FREM1: variants seen among roughly 807,000 people sequenced by gnomAD.
FREM1 encodes FRAS1 related extracellular matrix 1.
In FREM1, 220 loss-of-function variants were observed where a neutral mutation model predicts 210.1. That is an observed-to-expected ratio of 1.05 (90% CI 0.94 to 1.17). The LOEUF (loss-of-function observed/expected upper bound fraction) is 1.17. Ranked by LOEUF, FREM1 falls within the 50% of genes most tolerant of loss-of-function variation. The pLI, the probability that FREM1 is intolerant of heterozygous loss-of-function variation, is 0.00. For synonymous variants in FREM1, 1,189 were observed against 980.2 expected (o/e 1.21, Z -3.98); for missense variants, 3,454 against 2,675.5 (o/e 1.29, Z -6.42).
intron 36 of FREM1, among the ~76,000 whole-genome samples, chr9:14,738,076 C>A (rs754932169): frequency 1.3e-5 from 2 of 152,114 alleles, no homozygotes; most frequent in Non-Finnish European, 2.9e-5. Context: ...TTGAAAGTAG[C>A]TTACTATGTA....
intron 1 of FREM1, among the ~76,000 whole-genome samples, chr9:14,902,437 T>C (rs966337311): frequency 2.0e-5 from 3 of 152,216 alleles, no homozygotes; most frequent in African/African-American, 7.2e-5. Context: ...CCATAGCCTG[T>C]GATTTCCATG....
intron 24 of FREM1, among the ~76,000 whole-genome samples, chr9:14,778,705 G>GAAGGGAAGGA (rs1849115494): frequency 1.6e-5 from 1 of 63,976 alleles, no homozygotes; most frequent in Non-Finnish European, 3.5e-5. Context: ...GAAGGGAAGG[G>GAAGGGAAGGA]AAGGGAAGGG....
chr9:14,773,622 C>G (rs1325995898), intron 25 of FREM1, among the ~76,000 whole-genome samples: 1 of 125,588 alleles, frequency 8.0e-6, no homozygotes, highest in Non-Finnish European at 1.7e-5. Flanking sequence ...TTTTTTTTTG[C>G]AAGGAAAGCC....
At chr9:14,890,682 T>C (rs553314680) in intron 1 of FREM1, among the ~76,000 whole-genome samples, 1 of 152,242 alleles carries the variant, frequency 6.6e-6, no homozygotes, top group Admixed American at 6.5e-5. Flanking sequence ...ACCTAATAAG[T>C]CTACTTCAGA....
In FREM1 at chr9:14,846,226, G is replaced by A; in HGVS notation, c.1262-135C>T. 6.2e-6 allele frequency: 4 copies of A among 641,398 alleles called. No individual in the cohort carries two copies. In the South Asian group the frequency reaches 8.1e-5, roughly 13 times the overall value. The allele number at this position is 641,398 out of a possible 1,614,324, so 39.7% of individuals were successfully genotyped here. A position where few individuals can be genotyped will look rare whatever the true frequency, so the allele number is the denominator to read the frequency against. ...CCTTTGCAGGGACATGGATGAAACTGGAAACCATCATCCTCAGCAAACTAA... is the reference window on the plus strand; with the variant it reads ...CCTTTGCAGGGACATGGATGAAACTAGAAACCATCATCCTCAGCAAACTAA... On this transcript the variant is annotated intron_variant, in intron 7 of 36. Coordinates refer to ENST00000380880, the MANE Select transcript of FREM1 (RefSeq NM_001379081.2).
chr9:14,788,962 G>C lies in FREM1; in HGVS notation c.4134C>G (p.Ser1378=). 6.2e-7 allele frequency: 1 copy of C among 1,613,106 alleles called. No homozygotes were observed. The highest frequency in any genetic ancestry group is 1.3e-5 in the African/African-American group (1 of 75,012). ...TFYLWDGNNR[S]PALDCQITIK... is the part of the protein sequence containing the mutation. ...TGGTGATTTGACAGTCAAGAGCAGG[G>C]GACCTGTTGTTGCCATCCCAAAGGT... The change falls in exon 23 of 37, where the codon TCC becomes TCG. Residue 1378 remains serine, a synonymous_variant. Coordinates refer to ENST00000380880, the MANE Select transcript of FREM1 (RefSeq NM_001379081.2).
chr9:14,855,391 A>G (rs1828551819), intron 5 of FREM1, among the ~76,000 whole-genome samples: 1 of 152,146 alleles, frequency 6.6e-6, no homozygotes, highest in African/African-American at 2.4e-5. Context: ...TATTTGAGGT[A>G]GATTAAAAAG....
intron 10 of FREM1, among the ~76,000 whole-genome samples, chr9:14,826,098 C>CTTT (rs5896650): frequency 0.04 from 5,390 of 135,440 alleles, 461 homozygotes; most frequent in African/African-American, 0.13. Flanking sequence ...CTTTCTCAAC[C>CTTT]TTTTTTTTTT....
intron 1 of FREM1, among the ~76,000 whole-genome samples, chr9:14,897,297 G>C (rs1444075122): frequency 6.6e-6 from 1 of 151,962 alleles, no homozygotes; most frequent in African/African-American, 2.4e-5. Flanking sequence ...ATTTGTCTAA[G>C]GCAAATTCTC....
At chr9:14,845,875 A>G in intron 8 of FREM1, 85 bp downstream of exon 8, 1 of 1,374,028 alleles carries the variant, frequency 7.3e-7, no homozygotes, top group Non-Finnish European at 1.0e-6. Flanking sequence ...GGCCCAAGAG[A>G]TGCTACATAT....
At chr9:14,870,327 G>C (rs555282776) in intron 1 of FREM1, among the ~76,000 whole-genome samples, 1 of 152,188 alleles carries the variant, frequency 6.6e-6, no homozygotes, top group Admixed American at 6.5e-5. Flanking sequence ...CCTGAGGGGT[G>C]TACACTTTAC....
Position 14,747,313 on chromosome 9 carries a change from G to C in FREM1, c.5960C>G (p.Pro1987Arg), listed in dbSNP as rs370544270. 6.2e-7 allele frequency: 1 copy of C among 1,613,586 alleles called. No homozygotes were observed. The highest frequency in any genetic ancestry group is 1.3e-5 in the African/African-American group (1 of 74,862). Reference sequence around the variant, plus strand: ...TGTGGATTCCACCTTATCTGCTTGAGGCAGTTCTGCCACTTTGATTGTCTT... The same window carrying C: ...TGTGGATTCCACCTTATCTGCTTGACGCAGTTCTGCCACTTTGATTGTCTT... ...PQKTIKVAEL[P>R]QADKVESTTD... Residue 1987 changes from proline (P) to arginine (R), a missense_variant, in exon 33 of 37, where the codon CCT (proline) becomes CGT (arginine). Coordinates refer to ENST00000380880, the MANE Select transcript of FREM1 (RefSeq NM_001379081.2).
chr9:14,848,471 G>T (rs995065684), intron 7 of FREM1, among the ~76,000 whole-genome samples, 194 bp downstream of exon 7: 2 of 152,112 alleles, frequency 1.3e-5, no homozygotes, highest in African/African-American at 2.4e-5. Context: ...AGAAATCCTG[G>T]ATTTAAATTT....
At chr9:14,786,319 C>T (rs1850419241) in intron 23 of FREM1, among the ~76,000 whole-genome samples, 1 of 152,142 alleles carries the variant, frequency 6.6e-6, no homozygotes, top group African/African-American at 2.4e-5. Flanking sequence ...ACCTAGGGAG[C>T]TCTTGTGAAC....
chr9:14,814,369 C>T (rs118003954), intron 15 of FREM1, among the ~76,000 whole-genome samples: 4,614 of 152,122 alleles, frequency 0.03, 75 homozygotes, highest in Non-Finnish European at 0.037. Context: ...AATATCTGGC[C>T]TAAGGCTTGG....
At chr9:14,822,774 T>C (rs996293737) in intron 13 of FREM1, among the ~76,000 whole-genome samples, 3 of 152,180 alleles carry the variant, frequency 2.0e-5, no homozygotes, top group African/African-American at 4.8e-5. Context: ...AGAGCTTCTT[T>C]AGATTACAGA....
intron 1 of FREM1, among the ~76,000 whole-genome samples, chr9:14,907,812 C>A (rs1055217156): frequency 3.9e-5 from 6 of 152,178 alleles, no homozygotes; most frequent in Admixed American, 3.9e-4. Flanking sequence ...AAGACTGAGT[C>A]ATATCCATCA....
intron 36 of FREM1, 145 bp from the exon 37 acceptor site, chr9:14,737,740 A>C (rs879552704): frequency 2.5e-5 from 15 of 590,578 alleles, no homozygotes; most frequent in Admixed American, 3.7e-5. Context: ...GAATACTCTA[A>C]GACACAAACG....
At chr9:14,816,107 C>T (rs1820253601) in intron 15 of FREM1, among the ~76,000 whole-genome samples, 1 of 152,102 alleles carries the variant, frequency 6.6e-6, no homozygotes, top group Non-Finnish European at 1.5e-5. Context: ...TGATACTAGC[C>T]TAACCTGCCC....
Sources: gnomAD v4.1 joint callset for allele counts (sites outside exome capture counted in the v4.1 genomes callset) on GRCh38, gnomAD v4.1.1 for gene constraint, MANE v1.5 for transcripts, NCBI Gene and HGNC (gene_info 2026-07-23, HGNC 2026-07-21) for gene names.